Variants in MARCHF1 observed in about 807,000 individuals in gnomAD.
MARCHF1 encodes membrane associated ring-CH-type finger 1.
In MARCHF1, 40 loss-of-function variants were observed where a neutral mutation model predicts 54.2. That is an observed-to-expected ratio of 0.74 (90% CI 0.57 to 0.96). The LOEUF is 0.96. MARCHF1 is among the 40% of genes least tolerant of loss of function. MARCHF1 has a pLI of 0.00. For missense variants in MARCHF1, 586 were observed against 656.5 expected, an observed-to-expected ratio of 0.89 and a Z score of 1.17; for synonymous variants, 236 against 236.3, an observed-to-expected ratio of 1.00 and a Z score of 0.01.
At chr4:163,626,614 G>A (rs1394003467) in intron 5 of MARCHF1, among the ~76,000 whole-genome samples, 1 of 152,078 alleles carries the variant, frequency 6.6e-6, no homozygotes, top group African/African-American at 2.4e-5. Flanking sequence ...TGAGAATTAG[G>A]TATTAAATGA....
intron 4 of MARCHF1, among the ~76,000 whole-genome samples, chr4:163,766,555 A>C (rs1746982928): frequency 6.6e-6 from 1 of 152,332 alleles, no homozygotes; most frequent in East Asian, 1.9e-4. Flanking sequence ...TGGCAAGAAC[A>C]TTCCATTGGC....
intron 1 of MARCHF1, among the ~76,000 whole-genome samples, chr4:164,138,625 CAG>C (rs1362098550): frequency 6.6e-6 from 1 of 152,122 alleles, no homozygotes; most frequent in African/African-American, 2.4e-5. Flanking sequence ...CAGAACAGTG[CAG>C]AGTGTTAGTG....
At position 163,527,342 on chromosome 4, in the gene MARCHF1, A is replaced by AAAAGT. The variant is rs1738148541; in HGVS notation, c.*1401_*1405dup. On this transcript the variant is annotated 3_prime_UTR_variant, in exon 10 of 10. Transcript: ENST00000514618. ...AGCAAGGGAAATCCTGTCAGCTTTT[A>AAAAGT]AAAGTAAGGGCTAGATTCTTAGTCA... 1 of 152,106 alleles carries AAAAGT rather than the reference A, an allele frequency of 6.6e-6. No individual in the cohort carries two copies. The highest frequency in any genetic ancestry group is 1.5e-5 in the Non-Finnish European group (1 of 67,954). 9.4% of individuals were successfully genotyped at this position (152,106 alleles called of 1,614,324 possible). A position where few individuals can be genotyped will look rare whatever the true frequency, so the allele number is the denominator to read the frequency against.
At chr4:164,087,622 T>A (rs183239687) in intron 2 of MARCHF1, among the ~76,000 whole-genome samples, 1 of 152,254 alleles carries the variant, frequency 6.6e-6, no homozygotes, top group Non-Finnish European at 1.5e-5. Flanking sequence ...TGTACTCTGT[T>A]CACAAACAAA....
chr4:163,936,435 A>G (rs954917405), intron 3 of MARCHF1, among the ~76,000 whole-genome samples: 1 of 152,206 alleles, frequency 6.6e-6, no homozygotes, highest in Non-Finnish European at 1.5e-5. Context: ...GTGTGCCTGT[A>G]TATATACTGT....
At chr4:163,590,057 G>GGTGTGTGTGTGCGTGT (rs1740536656) in intron 7 of MARCHF1, among the ~76,000 whole-genome samples, 1 of 146,168 alleles carries the variant, frequency 6.8e-6, no homozygotes, top group African/African-American at 2.5e-5. Context: ...TTTAGATTTT[G>GGTGTGTGTGTGCGTGT]GTGTGTGTGT....
At chr4:164,087,338 T>A (rs1481941469) in intron 2 of MARCHF1, among the ~76,000 whole-genome samples, 1 of 152,118 alleles carries the variant, frequency 6.6e-6, no homozygotes, top group African/African-American at 2.4e-5. Flanking sequence ...GTATTCTTCA[T>A]AAATATTTCA....
intron 4 of MARCHF1, among the ~76,000 whole-genome samples, chr4:163,715,010 A>T (rs541772095): frequency 6.6e-5 from 10 of 152,276 alleles, no homozygotes; most frequent in Non-Finnish European, 1.3e-4. Flanking sequence ...CGAATAATTT[A>T]TTTGATTTTA....
intron 4 of MARCHF1, among the ~76,000 whole-genome samples, chr4:163,732,847 T>TA (rs1427980938): frequency 1.3e-5 from 2 of 152,010 alleles, no homozygotes; most frequent in African/African-American, 2.4e-5. Context: ...CCAGCAGACT[T>TA]ACACTATAAG....
intron 4 of MARCHF1, among the ~76,000 whole-genome samples, chr4:163,728,139 C>G (rs1335867794): frequency 6.6e-6 from 1 of 152,144 alleles, no homozygotes; most frequent in Non-Finnish European, 1.5e-5. Context: ...CCACCACACG[C>G]AGTTAAGTTT....
At chr4:163,755,891 C>G (rs1049072941) in intron 4 of MARCHF1, among the ~76,000 whole-genome samples, 1 of 152,178 alleles carries the variant, frequency 6.6e-6, no homozygotes, top group African/African-American at 2.4e-5. Flanking sequence ...AGCGATATTA[C>G]CAATGTTGAA....
At position 163,876,321 on chromosome 4, in the gene MARCHF1, C is replaced by T. The variant is rs568614624; in HGVS notation, c.-38-22152G>A. 2.6e-5 allele frequency among the ~76,000 whole-genome samples: 4 copies of T among 152,226 alleles called. No individual in the cohort carries two copies. In the East Asian group the frequency reaches 7.7e-4, roughly 29 times the overall value. On this transcript the variant is annotated intron_variant, in intron 3 of 9. Coordinates refer to ENST00000514618, the MANE Select transcript of MARCHF1 (RefSeq NM_001394959.1). ...TCCATTTATTCTTTAGACCTCCCAT[C>T]CCCTCGGATTCCTAAAATAGAGACT...
At chr4:164,331,476 T>C (rs1422198437) in intron 1 of MARCHF1, among the ~76,000 whole-genome samples, 1 of 152,248 alleles carries the variant, frequency 6.6e-6, no homozygotes, top group Non-Finnish European at 1.5e-5. Context: ...GGCACTTTAA[T>C]TTTGCTTGTT....
chr4:163,697,165 G>C (rs80317627), intron 5 of MARCHF1, among the ~76,000 whole-genome samples: 1 of 152,042 alleles, frequency 6.6e-6, no homozygotes, highest in Non-Finnish European at 1.5e-5. Flanking sequence ...AGGGGAGCTC[G>C]TAAGAGCCTC....
At chr4:164,123,103 T>C (rs960165330) in intron 1 of MARCHF1, among the ~76,000 whole-genome samples, 3 of 152,102 alleles carry the variant, frequency 2.0e-5, no homozygotes, top group Admixed American at 6.6e-5. Context: ...CGTAAGCAAA[T>C]TCATTAAAGT....
chr4:164,214,475 C>G (rs933747681), intron 1 of MARCHF1, among the ~76,000 whole-genome samples: 2 of 151,704 alleles, frequency 1.3e-5, no homozygotes, highest in African/African-American at 4.9e-5. Context: ...AAAAAAAAAC[C>G]CTCCACTTTT....
At chr4:164,239,683 T>G (rs1732669440) in intron 1 of MARCHF1, among the ~76,000 whole-genome samples, 1 of 152,140 alleles carries the variant, frequency 6.6e-6, no homozygotes, top group African/African-American at 2.4e-5. Context: ...CCATCAACAT[T>G]TCCAGTAATG....
chr4:163,843,942 G>T (rs72685638), intron 4 of MARCHF1, among the ~76,000 whole-genome samples: 2 of 151,238 alleles, frequency 1.3e-5, no homozygotes, highest in African/African-American at 4.9e-5. Context: ...AGAATTGTTC[G>T]CTCATGCCCC....
intron 1 of MARCHF1, among the ~76,000 whole-genome samples, chr4:164,382,185 CATTG>C (rs1372589710): frequency 6.6e-6 from 1 of 152,190 alleles, no homozygotes; most frequent in Non-Finnish European, 1.5e-5. Flanking sequence ...ACTTCCACCA[CATTG>C]ATTATTCCAA....
Sources: allele counts gnomAD v4.1 joint callset (sites outside exome capture counted in the v4.1 genomes callset), GRCh38; gene constraint gnomAD v4.1.1; transcripts MANE v1.5; gene names NCBI Gene and HGNC (gene_info 2026-07-23, HGNC 2026-07-21).